Variants in MTREX observed in about 807,000 individuals in gnomAD.
MTREX encodes Mtr4 exosome RNA helicase.
A neutral mutation model predicts 135.4 loss-of-function variants in MTREX; 76 were observed. The observed-to-expected ratio is 0.56, with a 90% CI of 0.47 to 0.68. MTREX has a LOEUF of 0.68. MTREX is among the 30% of genes least tolerant of loss of function. The pLI is 0.00. For synonymous variants in MTREX, 404 were observed against 401.6 expected (o/e 1.01, Z -0.07); for missense variants, 920 against 1,262.1 (o/e 0.73, Z 4.11).
Position 55,341,853 on chromosome 5 carries a change from T to C in MTREX, c.781+82T>C, listed in dbSNP as rs1749654196. 4.4e-6 allele frequency: 3 copies of C among 683,624 alleles called. No homozygotes were observed. In the Admixed American group the frequency reaches 8.9e-5, roughly 20 times the overall value. The allele number at this position is 683,624 out of a possible 1,614,324, so 42.3% of individuals were successfully genotyped here. A position where few individuals can be genotyped will look rare whatever the true frequency, so the allele number is the denominator to read the frequency against. On this transcript the variant is annotated intron_variant, in intron 7 of 26. Coordinates refer to ENST00000230640, the MANE Select transcript of MTREX (RefSeq NM_015360.5). ...TTTTGAGCAAGTTATTGTTAAACTT[T>C]GCTTCTAGTTTTTGTGTGGCTAGGG...
At chr5:55,391,529 C>T (rs1250722703) in intron 19 of MTREX, among the ~76,000 whole-genome samples, 4 of 152,132 alleles carry the variant, frequency 2.6e-5, no homozygotes, top group Non-Finnish European at 5.9e-5. Context: ...ATAACATCTT[C>T]ACATATGTCC....
chr5:55,336,008 A>G (rs536810378), intron 5 of MTREX, among the ~76,000 whole-genome samples: 33 of 152,252 alleles, frequency 2.2e-4, no homozygotes, highest in African/African-American at 7.5e-4. Flanking sequence ...TGTTTATGCT[A>G]TTGTGAATCA....
chr5:55,373,182 G>A (rs1182169275), intron 16 of MTREX, among the ~76,000 whole-genome samples: 2 of 121,040 alleles, frequency 1.7e-5, no homozygotes, highest in Non-Finnish European at 3.5e-5. Flanking sequence ...GACTTACTTT[G>A]TCTTATTATA....
In MTREX at chr5:55,381,823, T is replaced by TATC. The variant is rs1750400534; in HGVS notation, c.2052+2629_2052+2631dup. Among the ~76,000 whole-genome samples, 9 of 152,352 alleles carry TATC rather than the reference T, an allele frequency of 5.9e-5. No individual in the cohort carries two copies. In the South Asian group the frequency reaches 1.9e-3, roughly 32 times the overall value. On this transcript the variant is annotated intron_variant, in intron 18 of 26. Transcript: ENST00000230640. ...TGCAGACCATTCTGTCTGGTTGGTC[T>TATC]ATCTATTATTGAAAGTGGAGTATTG...
intron 16 of MTREX, among the ~76,000 whole-genome samples, chr5:55,373,959 G>A (rs973044238): frequency 6.6e-6 from 1 of 151,946 alleles, no homozygotes. Flanking sequence ...TTACTGTTAT[G>A]TAACATAAAA....
At chr5:55,414,270 A>G (rs369206240) in intron 24 of MTREX, 32 bp downstream of exon 24, 33 of 1,417,324 alleles carry the variant, frequency 2.3e-5, no homozygotes, top group Middle Eastern at 1.8e-4. Context: ...TTTGAACTAC[A>G]TATTTTATGA....
intron 1 of MTREX, among the ~76,000 whole-genome samples, chr5:55,316,485 A>C (rs1056142244): frequency 1.3e-5 from 2 of 152,200 alleles, no homozygotes; most frequent in Non-Finnish European, 2.9e-5. Flanking sequence ...CAACATGCAA[A>C]TATCAACAAA....
intron 15 of MTREX, 38 bp from the exon 16 acceptor site, chr5:55,366,687 T>A: frequency 6.8e-7 from 1 of 1,478,446 alleles, no homozygotes. Context: ...TAAATTTATT[T>A]GGAAAACTAC....
chr5:55,423,455 G>A (rs545302848), intron 26 of MTREX: 2 of 154,562 alleles, frequency 1.3e-5, no homozygotes, highest in South Asian at 2.0e-4. Context: ...GTGAACACCA[G>A]CAAGAGGCCA....
intron 25 of MTREX, among the ~76,000 whole-genome samples, chr5:55,422,246 C>T (rs1435956604): frequency 1.3e-5 from 2 of 152,040 alleles, no homozygotes; most frequent in Admixed American, 6.5e-5. Flanking sequence ...TTGATACAAA[C>T]ACTTTTCTCA....
At chr5:55,308,305 T>C (rs146136432) in intron 1 of MTREX, among the ~76,000 whole-genome samples, 158 bp downstream of exon 1, 3 of 152,002 alleles carry the variant, frequency 2.0e-5, no homozygotes, top group Non-Finnish European at 2.9e-5. Flanking sequence ...TGGAAGAATG[T>C]TGGTTCGTGG....
At chr5:55,320,995 G>A (rs1441929051) in intron 1 of MTREX, among the ~76,000 whole-genome samples, 1 of 152,136 alleles carries the variant, frequency 6.6e-6, no homozygotes, top group Non-Finnish European at 1.5e-5. Context: ...AGCCAGACAT[G>A]AGAGATTTGG....
At chr5:55,379,236 T>C in intron 18 of MTREX, 41 bp downstream of exon 18, 1 of 1,184,684 alleles carries the variant, frequency 8.4e-7, no homozygotes, top group Non-Finnish European at 1.2e-6. Context: ...TATCAATTTT[T>C]AGTGAAATGT....
intron 22 of MTREX, among the ~76,000 whole-genome samples, 162 bp downstream of exon 22, chr5:55,405,750 T>A (rs970937339): frequency 2.6e-5 from 4 of 152,176 alleles, no homozygotes; most frequent in Non-Finnish European, 4.4e-5. Context: ...TAAGTGATTT[T>A]AAAAATAACC....
intron 19 of MTREX, among the ~76,000 whole-genome samples, chr5:55,396,233 A>G (rs1489702206): frequency 6.6e-6 from 1 of 152,240 alleles, no homozygotes; most frequent in East Asian, 1.9e-4. Flanking sequence ...CTAAGGAGAC[A>G]TGACCACTAA....
intron 2 of MTREX, 59 bp from the exon 3 acceptor site, chr5:55,324,073 A>G (rs1749330076): frequency 1.6e-6 from 2 of 1,230,834 alleles, no homozygotes; most frequent in African/African-American, 3.0e-5. Context: ...TGTGAGGCTT[A>G]TTATCAAATT....
intron 21 of MTREX, among the ~76,000 whole-genome samples, chr5:55,401,041 G>A (rs774509733): frequency 4.6e-5 from 7 of 151,276 alleles, no homozygotes; most frequent in South Asian, 2.1e-4. Context: ...CCGTGCATGC[G>A]TGTGTGTGTG....
chr5:55,316,458 A>T (rs754654478), intron 1 of MTREX, among the ~76,000 whole-genome samples: 11 of 152,298 alleles, frequency 7.2e-5, no homozygotes, highest in African/African-American at 2.2e-4. Context: ...CTTCATCCCC[A>T]GGATGCAAGG....
At chr5:55,378,696 G>A (rs1750346350) in intron 17 of MTREX, among the ~76,000 whole-genome samples, 1 of 152,022 alleles carries the variant, frequency 6.6e-6, no homozygotes, top group African/African-American at 2.4e-5. Flanking sequence ...TTGTTTTGGG[G>A]ACTATAAATT....
Sources: allele counts gnomAD v4.1 joint callset (sites outside exome capture counted in the v4.1 genomes callset), GRCh38; gene constraint gnomAD v4.1.1; transcripts MANE v1.5; gene names NCBI Gene and HGNC (gene_info 2026-07-23, HGNC 2026-07-21).